SCN7A: variants seen among roughly 807,000 people sequenced by gnomAD.
SCN7A encodes the protein sodium voltage-gated channel alpha subunit 7.
Under a neutral mutation model 155.2 loss-of-function variants are expected in SCN7A, and 138 were observed. That is an observed-to-expected ratio of 0.89 (90% CI 0.77 to 1.02). The LOEUF (loss-of-function observed/expected upper bound fraction) is 1.02. Among genes scored for constraint, SCN7A ranks in the 50% least tolerant of loss-of-function variants. The pLI, the probability that SCN7A is intolerant of heterozygous loss-of-function variation, is 0.00. For missense variants in SCN7A, 2,058 were observed against 1,986.6 expected, an observed-to-expected ratio of 1.04 and a Z score of -0.68; for synonymous variants, 693 against 649.0, an observed-to-expected ratio of 1.07 and a Z score of -1.03.
chr2:166,478,897 T>C (rs1300638265), intron 2 of SCN7A, among the ~76,000 whole-genome samples: 1 of 152,032 alleles, frequency 6.6e-6, no homozygotes, highest in Non-Finnish European at 1.5e-5. Context: ...ATGAACCTGG[T>C]TCTTTTTTCA....
chr2:166,422,307 T>A (rs1701527889), intron 19 of SCN7A, among the ~76,000 whole-genome samples: 2 of 151,832 alleles, frequency 1.3e-5, no homozygotes, highest in Non-Finnish European at 2.9e-5. Flanking sequence ...CAAGAAAAAA[T>A]TCTACCCTAA....
chr2:166,466,519 C>A (rs1702538207), intron 7 of SCN7A, among the ~76,000 whole-genome samples: 1 of 152,002 alleles, frequency 6.6e-6, no homozygotes, highest in African/African-American at 2.4e-5. Flanking sequence ...AAACCTAAAG[C>A]TGGCTTTATT....
At chr2:166,465,430 T>C in intron 9 of SCN7A, 32 bp downstream of exon 9, 1 of 1,451,482 alleles carries the variant, frequency 6.9e-7, no homozygotes, top group South Asian at 1.2e-5. Context: ...CAGGTGATAA[T>C]GATTTAATAG....
At chr2:166,476,941 A>G (rs768500332) in intron 3 of SCN7A, among the ~76,000 whole-genome samples, 8 of 152,042 alleles carry the variant, frequency 5.3e-5, no homozygotes, top group Non-Finnish European at 1.2e-4. Flanking sequence ...TTTTATATTT[A>G]GCATTTTGTG....
intron 9 of SCN7A, among the ~76,000 whole-genome samples, chr2:166,464,150 A>G (rs1429788185): frequency 7.0e-6 from 1 of 143,356 alleles, no homozygotes; most frequent in Non-Finnish European, 1.5e-5. Flanking sequence ...ATATATACAC[A>G]TATATATACA....
At chr2:166,420,491 A>G (rs913638425) in intron 20 of SCN7A, among the ~76,000 whole-genome samples, 1 of 152,068 alleles carries the variant, frequency 6.6e-6, no homozygotes, top group Non-Finnish European at 1.5e-5. Context: ...ATAGCTACAT[A>G]CTTATACTAC....
rs1041776084 is a variant in SCN7A, at chr2:166,404,394, T to C, written c.*1186A>G. On this transcript the variant is annotated 3_prime_UTR_variant, in exon 26 of 26. Transcript: ENST00000643258. ...TTTTATAGAGTATGGATGTATATGA[T>C]GAGATTAAAAAACTTGAAAACGTAA... 1 of 151,942 alleles carries C rather than the reference T, an allele frequency of 6.6e-6. No individual in the cohort carries two copies. Among genetic ancestry groups the C allele is most frequent in the Non-Finnish European group, 1.5e-5 (1 of 67,924 alleles). The allele number at this position is 151,942 out of a possible 1,614,324, so 9.4% of individuals were successfully genotyped here.
At chr2:166,407,142 A>G (rs886763692) in intron 25 of SCN7A, among the ~76,000 whole-genome samples, 1 of 152,086 alleles carries the variant, frequency 6.6e-6, no homozygotes, top group African/African-American at 2.4e-5. Flanking sequence ...ATTGATAAAT[A>G]TAATTACAGA....
chr2:166,456,354 C>T (rs1267924340), intron 11 of SCN7A, among the ~76,000 whole-genome samples: 2 of 151,590 alleles, frequency 1.3e-5, no homozygotes, highest in African/African-American at 4.8e-5. Context: ...GACATATATC[C>T]AGTATAATAA....
Position 166,405,911 on chromosome 2 carries a change from T to G in SCN7A, c.4718A>C (p.His1573Pro). ...AAAAGCAAGTAAGATATCGAGGCAATGAATTCTGTCCCCAACAGCCATGGG... is the reference window on the plus strand; with the variant it reads ...AAAAGCAAGTAAGATATCGAGGCAAGGAATTCTGTCCCCAACAGCCATGGG... Reference protein sequence around the residue: ...DLPMAVGDRIHCLDILLAFTK... With the variant: ...DLPMAVGDRIPCLDILLAFTK... The change falls in exon 26 of 26, where the codon CAT (histidine) becomes CCT (proline). Residue 1573 changes from histidine (H) to proline (P), a missense_variant. Coordinates refer to ENST00000643258, the MANE Select transcript of SCN7A (RefSeq NM_002976.4). 6.2e-7 allele frequency: 1 copy of G among 1,613,120 alleles called. No individual in the cohort carries two copies. The highest frequency in any genetic ancestry group is 8.5e-7 in the Non-Finnish European group (1 of 1,179,396).
intron 14 of SCN7A, among the ~76,000 whole-genome samples, chr2:166,442,358 T>C (rs1213194279): frequency 1.3e-5 from 2 of 152,274 alleles, no homozygotes; most frequent in South Asian, 2.1e-4. Context: ...ATCATTTTTA[T>C]ATAGGCTATA....
chr2:166,453,116 T>C (rs1702207320), intron 11 of SCN7A, among the ~76,000 whole-genome samples: 2 of 152,158 alleles, frequency 1.3e-5, no homozygotes, highest in Non-Finnish European at 2.9e-5. Flanking sequence ...CATTTTAATA[T>C]CTTGTTTAAT....
At chr2:166,467,969 T>G (rs1334641453) in intron 7 of SCN7A, among the ~76,000 whole-genome samples, 2 of 151,970 alleles carry the variant, frequency 1.3e-5, no homozygotes, top group Non-Finnish European at 2.9e-5. Context: ...ACTGTGTCTA[T>G]TTTTTCCTTT....
chr2:166,414,255 G>A (rs375696041), intron 21 of SCN7A, among the ~76,000 whole-genome samples: 1,842 of 53,494 alleles, frequency 0.034, 335 homozygotes, highest in Non-Finnish European at 0.042. Flanking sequence ...AATATATATA[G>A]ATATATATAC....
chr2:166,471,142 G>A (rs1356670553), intron 6 of SCN7A, among the ~76,000 whole-genome samples: 1 of 151,888 alleles, frequency 6.6e-6, no homozygotes, highest in East Asian at 1.9e-4. Flanking sequence ...GGATGAGGAT[G>A]AGGATGATGG....
chr2:166,421,717 A>C (rs903766875), intron 19 of SCN7A, among the ~76,000 whole-genome samples: 4 of 152,084 alleles, frequency 2.6e-5, no homozygotes, highest in Non-Finnish European at 5.9e-5. Context: ...TTCATATACA[A>C]ATATGGTTAA....
chr2:166,484,244 T>C (rs148106448), intron 2 of SCN7A, among the ~76,000 whole-genome samples: 2 of 152,010 alleles, frequency 1.3e-5, no homozygotes, highest in Non-Finnish European at 2.9e-5. Context: ...AAAGATGTCT[T>C]TTATTTTTTG....
intron 1 of SCN7A, among the ~76,000 whole-genome samples, chr2:166,491,824 G>T (rs944799631): frequency 5.9e-5 from 9 of 151,952 alleles, no homozygotes; most frequent in African/African-American, 2.2e-4. Context: ...GAAATAATGG[G>T]ATCAGACTCC....
At position 166,462,454 on chromosome 2, in the gene SCN7A, C is replaced by A. The variant is rs532767133; in HGVS notation, c.1018G>T (p.Gly340Cys). ...DQGFTNFDSF[G>C]WALFALFRLM... ...CGAAATAGGGCAAATAAGGCCCAGC[C>A]AAAACTGTCAAAATTTGTGAAGCCT... The change falls in exon 10 of 26, where the codon GGC (glycine) becomes TGC (cysteine). Residue 340 changes from glycine (G) to cysteine (C), a missense_variant. Gly to Cys is a radical substitution (Grantham distance 159, BLOSUM62 -3). Coordinates refer to ENST00000643258, the MANE Select transcript of SCN7A (RefSeq NM_002976.4). 11 of 1,612,974 alleles carry A rather than the reference C, an allele frequency of 6.8e-6. No individual in the cohort carries two copies. The South Asian group carries it at 1.2e-4, about 18-fold the overall frequency.
Sources: allele counts gnomAD v4.1 joint callset (sites outside exome capture counted in the v4.1 genomes callset), GRCh38; gene constraint gnomAD v4.1.1; transcripts MANE v1.5; gene names NCBI Gene and HGNC (gene_info 2026-07-23, HGNC 2026-07-21).